The following PHKB variants were observed in gnomAD, a reference collection of about 807,000 sequenced individuals.
PHKB encodes the protein phosphorylase kinase regulatory subunit beta.
PHKB carries 122 observed loss-of-function variants against 152.1 expected under a neutral mutation model. That is an observed-to-expected ratio of 0.80 (90% CI 0.69 to 0.93). The LOEUF (loss-of-function observed/expected upper bound fraction) is 0.93. Among genes scored for constraint, PHKB ranks in the 40% least tolerant of loss-of-function variants. PHKB has a pLI of 0.00. For missense variants in PHKB, 1,304 were observed against 1,328.4 expected (o/e 0.98, Z 0.29); for synonymous variants, 436 against 464.9 (o/e 0.94, Z 0.80).
At chr16:47,593,403 G>A in intron 10 of PHKB, 97 bp from the exon 11 acceptor site, 2 of 717,010 alleles carry the variant, frequency 2.8e-6, no homozygotes, top group South Asian at 1.5e-5. Context: ...TTGTGCCACT[G>A]CACTCCAGCC....
At chr16:47,654,644 C>T (rs1567343230) in intron 20 of PHKB, among the ~76,000 whole-genome samples, 1 of 152,020 alleles carries the variant, frequency 6.6e-6, no homozygotes, top group Non-Finnish European at 1.5e-5. Flanking sequence ...GAGTTCATGT[C>T]CTTTGTAGGG....
At chr16:47,640,137 TG>T (rs1454464414) in intron 14 of PHKB, among the ~76,000 whole-genome samples, 2 of 152,234 alleles carry the variant, frequency 1.3e-5, no homozygotes, top group African/African-American at 4.8e-5. Context: ...ATATGTATGC[TG>T]GTGTTTCTTG....
chr16:47,649,281 A>T lies in PHKB; in HGVS notation c.1797+77A>T, dbSNP rs1973192167. On this transcript the variant is annotated intron_variant, in intron 18 of 30. Transcript: ENST00000323584. ...TTTATCATATGTTACTATATTGAGT[A>T]CTCCCAGGTATCTGTGACACTGGGT... 3.3e-5 allele frequency: 28 copies of T among 838,080 alleles called. No individual in the cohort carries two copies. In the South Asian group the frequency reaches 3.7e-4, roughly 11 times the overall value. The allele number at this position is 838,080 out of a possible 1,614,324, so 51.9% of individuals were successfully genotyped here.
At chr16:47,604,299 C>T (rs1448498029) in intron 13 of PHKB, among the ~76,000 whole-genome samples, 1 of 152,068 alleles carries the variant, frequency 6.6e-6, no homozygotes, top group African/African-American at 2.4e-5. Flanking sequence ...GCTATATTTT[C>T]ATGAGCAGAA....
At chr16:47,471,730 T>G (rs1428521932) in intron 1 of PHKB, among the ~76,000 whole-genome samples, 1 of 152,214 alleles carries the variant, frequency 6.6e-6, no homozygotes, top group Non-Finnish European at 1.5e-5. Context: ...GAGAATAAAC[T>G]AACTTTAGAA....
chr16:47,539,997 G>A (rs921318842), intron 6 of PHKB, among the ~76,000 whole-genome samples: 5 of 151,978 alleles, frequency 3.3e-5, no homozygotes, highest in East Asian at 1.9e-4. Flanking sequence ...CTGCAGGGTC[G>A]GGCAAAAAAA....
chr16:47,673,434 AG>A (rs1335185554), intron 26 of PHKB, among the ~76,000 whole-genome samples: 3 of 152,302 alleles, frequency 2.0e-5, no homozygotes, highest in Middle Eastern at 6.8e-3. Context: ...TAAGTATAAA[AG>A]AAGATTTAAT....
chr16:47,600,058 A>G (rs551773942), intron 13 of PHKB, among the ~76,000 whole-genome samples: 2 of 152,318 alleles, frequency 1.3e-5, no homozygotes, highest in African/African-American at 2.4e-5. Flanking sequence ...AAATAATATA[A>G]CAGTGAATCT....
intron 1 of PHKB, among the ~76,000 whole-genome samples, chr16:47,483,933 A>G (rs1475589128): frequency 6.6e-6 from 1 of 152,212 alleles, no homozygotes; most frequent in Non-Finnish European, 1.5e-5. Context: ...GAATAAAACA[A>G]TTGCCATTTA....
At position 47,689,177 on chromosome 16, in the gene PHKB, T is replaced by TA; in HGVS notation, c.2765+4dup. The TA allele has an allele frequency of 6.2e-7, 1 of 1,613,794 alleles. No individual in the cohort carries two copies. Among genetic ancestry groups the TA allele is most frequent in the Non-Finnish European group, 8.5e-7 (1 of 1,179,774 alleles). ...TCTGCAGCCTCAACAGAATGGAAGG[T>TA]AATAAGGGCCCCTTGTTACCTACAT... On this transcript the variant is annotated splice_region_variant and intron_variant, in intron 27 of 30. Transcript: ENST00000323584.
intron 1 of PHKB, among the ~76,000 whole-genome samples, chr16:47,492,876 C>T (rs1210569009): frequency 6.6e-6 from 1 of 152,172 alleles, no homozygotes; most frequent in Non-Finnish European, 1.5e-5. Flanking sequence ...AGGACTTTCT[C>T]CTTAGTTCAC....
At chr16:47,546,283 T>A (rs963125323) in intron 6 of PHKB, among the ~76,000 whole-genome samples, 4 of 152,220 alleles carry the variant, frequency 2.6e-5, no homozygotes, top group Non-Finnish European at 4.4e-5. Flanking sequence ...GGTGTGGATG[T>A]CCTTTTCGTT....
At chr16:47,636,100 G>T (rs570006358) in intron 14 of PHKB, among the ~76,000 whole-genome samples, 10 of 152,330 alleles carry the variant, frequency 6.6e-5, no homozygotes, top group African/African-American at 2.4e-4. Context: ...AGGGTTAAAG[G>T]ATAAGAACCT....
At chr16:47,489,691 G>C (rs1389137019) in intron 1 of PHKB, among the ~76,000 whole-genome samples, 1 of 152,192 alleles carries the variant, frequency 6.6e-6, no homozygotes, top group Admixed American at 6.5e-5. Context: ...TGGGTTAGGA[G>C]CACTGTACAA....
chr16:47,661,763 G>A lies in PHKB; in HGVS notation c.2241G>A (p.Leu747=). ...LASQAILLGI[L]LKREGPNFIT... ...GCCAAGCCATCCTGCTGGGTATACT[G>A]CTCAAAAGAGAAGGCCCCAACTTCA... The change falls in exon 23 of 31, where the codon CTG becomes CTA. Residue 747 remains leucine, a synonymous_variant. Transcript: ENST00000323584. 1 of 1,613,378 alleles carries A rather than the reference G, an allele frequency of 6.2e-7. No individual in the cohort carries two copies. The highest frequency in any genetic ancestry group is 1.7e-5 in the Admixed American group (1 of 59,998).
chr16:47,600,096 A>G (rs752626389), intron 13 of PHKB, among the ~76,000 whole-genome samples: 18 of 152,190 alleles, frequency 1.2e-4, no homozygotes, highest in Non-Finnish European at 2.6e-4. Context: ...GACTTTCACT[A>G]ATTCAGGCCA....
chr16:47,685,195 G>T (rs546790666), intron 26 of PHKB, among the ~76,000 whole-genome samples: 1 of 152,300 alleles, frequency 6.6e-6, no homozygotes. Context: ...GGGAGGCCGA[G>T]GTGGGCGGAT....
rs775984009 is a variant in PHKB, at chr16:47,649,137, C to A, written c.1730C>A (p.Pro577Gln). 1.2e-6 allele frequency: 2 copies of A among 1,609,320 alleles called. No individual in the cohort carries two copies. The highest frequency in any genetic ancestry group is 1.1e-5 in the South Asian group (1 of 90,972). Residue 577 changes from proline to glutamine, a missense_variant, in exon 18 of 31, where the codon CCG becomes CAG. By Grantham distance (76) the Pro-to-Gln change is moderately conservative. Coordinates refer to ENST00000323584, the MANE Select transcript of PHKB (RefSeq NM_000293.3). ...CTAGGAAAGACTGTGGTTTGTTACC[C>A]GATTATTTTCGACCTAAGTGATTTC... ...RILGKTVVCY[P>Q]IIFDLSDFYM...
intron 10 of PHKB, among the ~76,000 whole-genome samples, chr16:47,589,304 TA>T (rs1357473793): frequency 6.6e-6 from 1 of 152,218 alleles, no homozygotes; most frequent in East Asian, 1.9e-4. Context: ...TTATGACGAT[TA>T]AATAACTTAC....
Sources: allele counts gnomAD v4.1 joint callset (sites outside exome capture counted in the v4.1 genomes callset), GRCh38; gene constraint gnomAD v4.1.1; transcripts MANE v1.5; gene names NCBI Gene and HGNC (gene_info 2026-07-23, HGNC 2026-07-21).